The following MTSS1 variants were observed in gnomAD, a reference collection of about 807,000 sequenced individuals.
The protein encoded by MTSS1 is MTSS I-BAR domain containing 1, also known as protein MTSS 1.
MTSS1 carries 18 observed loss-of-function variants against 79.0 expected under a neutral mutation model. The observed-to-expected ratio is 0.23, with a 90% CI of 0.16 to 0.34. MTSS1 has a LOEUF of 0.34. MTSS1 is among the 10% of genes least tolerant of loss of function. The pLI, the probability that MTSS1 is intolerant of heterozygous loss-of-function variation, is 1.00. For missense variants in MTSS1, 815 were observed against 986.2 expected, an observed-to-expected ratio of 0.83 and a Z score of 2.33; for synonymous variants, 341 against 368.6, an observed-to-expected ratio of 0.93 and a Z score of 0.86.
chr8:124,677,980 C>T (rs547190896), intron 3 of MTSS1, among the ~76,000 whole-genome samples: 4 of 152,326 alleles, frequency 2.6e-5, no homozygotes, highest in African/African-American at 4.8e-5. Context: ...ATGCCTCTAA[C>T]GTGTCTAGTA....
chr8:124,557,602 C>T lies in MTSS1; in HGVS notation c.1230+79G>A, dbSNP rs189959314. 411 of 1,335,090 alleles carry T rather than the reference C, an allele frequency of 3.1e-4. No homozygotes were observed. In the African/African-American group the frequency reaches 4.8e-3, roughly 16 times the overall value. 82.7% of individuals were successfully genotyped at this position (1,335,090 alleles called of 1,614,324 possible). A position where few individuals can be genotyped will look rare whatever the true frequency, so the allele number is the denominator to read the frequency against. ...GAAAGGAAGGGGATGAGGGGATAGT[C>T]GGGGTGAGGGGGTTGGAACAGAAGA... On this transcript the variant is annotated intron_variant, in intron 11 of 13. Coordinates refer to ENST00000518547, the MANE Select transcript of MTSS1 (RefSeq NM_014751.6).
chr8:124,694,645 T>C (rs149430111), intron 3 of MTSS1, among the ~76,000 whole-genome samples: 2,349 of 152,258 alleles, frequency 0.015, 32 homozygotes, highest in Middle Eastern at 0.031. Flanking sequence ...ACTTACCATC[T>C]TTTTCTTAAT....
At chr8:124,685,939 G>T (rs1826897423) in intron 3 of MTSS1, among the ~76,000 whole-genome samples, 1 of 152,198 alleles carries the variant, frequency 6.6e-6, no homozygotes, top group South Asian at 2.1e-4. Context: ...ATGTCTCTAA[G>T]TGACCAAGGA....
intron 3 of MTSS1, among the ~76,000 whole-genome samples, chr8:124,656,210 G>A (rs762751348): frequency 2.6e-5 from 4 of 152,132 alleles, no homozygotes; most frequent in Non-Finnish European, 4.4e-5. Flanking sequence ...TAAGTAGTGG[G>A]GCTAGCATAC....
At chr8:124,639,580 C>T (rs1295574045) in intron 3 of MTSS1, among the ~76,000 whole-genome samples, 1 of 152,048 alleles carries the variant, frequency 6.6e-6, no homozygotes, top group Non-Finnish European at 1.5e-5. Context: ...TCTCGTGCCT[C>T]AGCCTCCGGA....
intron 10 of MTSS1, among the ~76,000 whole-genome samples, chr8:124,559,411 C>T (rs144039879): frequency 1.3e-5 from 2 of 152,320 alleles, no homozygotes; most frequent in African/African-American, 4.8e-5. Context: ...GAAGCCTCAT[C>T]AAGACAGACT....
chr8:124,640,865 C>T (rs373506297), intron 3 of MTSS1, among the ~76,000 whole-genome samples: 8 of 152,088 alleles, frequency 5.3e-5, no homozygotes, highest in East Asian at 1.9e-4. Flanking sequence ...ATTTTACCTA[C>T]ACCATCCCCT....
Position 124,552,212 on chromosome 8 carries a change from C to T in MTSS1, c.*780G>A, listed in dbSNP as rs1281652671. On this transcript the variant is annotated 3_prime_UTR_variant, in exon 14 of 14. Coordinates refer to ENST00000518547, the MANE Select transcript of MTSS1 (RefSeq NM_014751.6). ...CTGGTTGTGGGTGCTGTGTGCAGTC[C>T]AGAGGAATCATGGGAGAAAGGAAGT... 6.5e-6 allele frequency: 1 copy of T among 152,694 alleles called. No individual in the cohort carries two copies. The highest frequency in any genetic ancestry group is 1.5e-5 in the Non-Finnish European group (1 of 68,120). 9.5% of individuals were successfully genotyped at this position (152,694 alleles called of 1,614,324 possible).
chr8:124,607,188 A>G (rs1490042740), intron 3 of MTSS1, among the ~76,000 whole-genome samples: 2 of 152,182 alleles, frequency 1.3e-5, no homozygotes, highest in Middle Eastern at 3.2e-3. Context: ...GCTCCTCCTC[A>G]TCCCTCTTCC....
chr8:124,673,236 A>T (rs1456510995), intron 3 of MTSS1: 1 of 152,130 alleles, frequency 6.6e-6, no homozygotes, highest in Non-Finnish European at 1.5e-5. Context: ...ATCACTCCTT[A>T]GCTGGGAATG....
At chr8:124,588,111 G>A (rs149416352) in intron 5 of MTSS1, among the ~76,000 whole-genome samples, 1 of 152,308 alleles carries the variant, frequency 6.6e-6, no homozygotes, top group East Asian at 1.9e-4. Flanking sequence ...GAGGGGAGGG[G>A]TGAATAATTT....
At position 124,656,047 on chromosome 8, in the gene MTSS1, A is replaced by G. The variant is rs77202703; in HGVS notation, c.208+43479T>C. Among the ~76,000 whole-genome samples the G allele has an allele frequency of 6.6e-3, 1,008 of 152,342 alleles. 12 individuals are homozygous for G. Among genetic ancestry groups the G allele is most frequent in the African/African-American group, 0.022 (906 of 41,582 alleles). On this transcript the variant is annotated intron_variant, in intron 3 of 13. Coordinates refer to ENST00000518547, the MANE Select transcript of MTSS1 (RefSeq NM_014751.6). ...TTGGAATGATATAATCAGAAGGAGA[A>G]AAAAACCTAATGTGTCTTGAGCATT...
At chr8:124,622,087 AG>A (rs1813660907) in intron 3 of MTSS1, among the ~76,000 whole-genome samples, 1 of 151,720 alleles carries the variant, frequency 6.6e-6, no homozygotes, top group South Asian at 2.1e-4. Context: ...AGAGAGAGAG[AG>A]AGAGAGAGAA....
chr8:124,637,020 C>A (rs1817132515), intron 3 of MTSS1, among the ~76,000 whole-genome samples: 1 of 152,196 alleles, frequency 6.6e-6, no homozygotes, highest in Admixed American at 6.5e-5. Flanking sequence ...AATTTTCAAT[C>A]TTTTGCTGTG....
At chr8:124,567,446 T>C (rs368342315) in intron 7 of MTSS1, among the ~76,000 whole-genome samples, 1 of 152,236 alleles carries the variant, frequency 6.6e-6, no homozygotes, top group East Asian at 1.9e-4. Flanking sequence ...CCTGGGGGAC[T>C]GCCAGGCCTG....
intron 10 of MTSS1, among the ~76,000 whole-genome samples, chr8:124,559,356 CATCA>C (rs1423170428): frequency 1.3e-5 from 2 of 152,206 alleles, no homozygotes; most frequent in Non-Finnish European, 2.9e-5. Flanking sequence ...AGTCTCCTTT[CATCA>C]AATGCAGCCT....
chr8:124,557,949 T>C, intron 10 of MTSS1, 74 bp from the exon 11 acceptor site: 1 of 1,208,580 alleles, frequency 8.3e-7, no homozygotes, highest in Admixed American at 2.5e-5. Context: ...AGATACAAAA[T>C]GGCATTGACA....
At chr8:124,658,335 G>A (rs560734283) in intron 3 of MTSS1, among the ~76,000 whole-genome samples, 176 of 152,204 alleles carry the variant, frequency 1.2e-3, no homozygotes, top group Admixed American at 1.6e-3. Context: ...TTCCGTTCTC[G>A]CTTGGCTCTC....
intron 3 of MTSS1, among the ~76,000 whole-genome samples, chr8:124,648,794 G>C (rs945036385): frequency 1.3e-5 from 2 of 152,032 alleles, no homozygotes; most frequent in African/African-American, 4.8e-5. Flanking sequence ...GGACTGCTGT[G>C]AGATGGACAC....
Sources: allele counts gnomAD v4.1 joint callset (sites outside exome capture counted in the v4.1 genomes callset), GRCh38; gene constraint gnomAD v4.1.1; transcripts MANE v1.5; gene names NCBI Gene and HGNC (gene_info 2026-07-23, HGNC 2026-07-21).